The following NCDN variants were observed in gnomAD, a reference collection of about 807,000 sequenced individuals.
NCDN encodes the protein norbin.
Under a neutral mutation model 60.7 loss-of-function variants are expected in NCDN, and 9 were observed. The observed-to-expected ratio is 0.15, with a 90% CI of 0.09 to 0.26. The LOEUF is 0.26. Among genes scored for constraint, NCDN ranks in the 10% least tolerant of loss-of-function variants. The pLI is 1.00. For missense variants in NCDN, 578 were observed against 975.2 expected (o/e 0.59, Z 5.42); for synonymous variants, 409 against 442.5 (o/e 0.92, Z 0.95).
rs1648428209 is a variant in NCDN at position 35,558,091 on chromosome 1, G to A, written c.-100G>A. The A allele has an allele frequency of 2.6e-6, 4 of 1,515,754 alleles. No individual in the cohort carries two copies. The African/African-American group carries it at 4.2e-5, about 16-fold the overall frequency. The allele number at this position is 1,515,754 out of a possible 1,614,324, so 93.9% of individuals were successfully genotyped here. On this transcript the variant is annotated 5_prime_UTR_variant, in exon 1 of 7. Transcript: ENST00000373243. The surrounding 1 kb of genome is among the most constrained non-coding windows in gnomAD (Gnocchi z 6.3). ...TTTTTAATTTGCCCTGTCATCTTTG[G>A]GGGCTGTCTCCCATGTCGTGATTTT...
Position 35,565,375 on chromosome 1 carries a change from G to A in NCDN, c.1902G>A (p.Gln634=), listed in dbSNP as rs1359430110. ...ATGAGGGCATCTGGGCCGACCTGCA[G>A]GAGCTCTGGTTCCTGGGCATGCAGG... is the stretch of plus-strand genomic sequence containing the variant. ...PEYEGIWADL[Q]ELWFLGMQAF... Residue 634 remains glutamine, a synonymous_variant, in exon 7 of 7, where the codon CAG becomes CAA. Coordinates refer to ENST00000373243, the MANE Select transcript of NCDN (RefSeq NM_014284.3). The surrounding 1 kb of genome is among the most constrained non-coding windows in gnomAD (Gnocchi z 8.9). The A allele has an allele frequency of 6.2e-7, 1 of 1,613,236 alleles. No individual in the cohort carries two copies. Among genetic ancestry groups the A allele is most frequent in the Non-Finnish European group, 8.5e-7 (1 of 1,179,480 alleles).
Position 35,560,430 on chromosome 1 carries a change from G to A in NCDN, c.279G>A (p.Glu93=). The change falls in exon 3 of 7, where the codon GAG becomes GAA. Residue 93 remains glutamate (E), a synonymous_variant. Coordinates refer to ENST00000373243, the MANE Select transcript of NCDN (RefSeq NM_014284.3). The surrounding 1 kb of genome is among the most constrained non-coding windows in gnomAD (Gnocchi z 7.6). Reference sequence around the variant, plus strand: ...CCAATCGTCTCCTGACCACCAAGGAGGCGCCGGATGGCTGCCCTGACCATG... The same window carrying A: ...CCAATCGTCTCCTGACCACCAAGGAAGCGCCGGATGGCTGCCCTGACCATG... The part of the protein sequence containing the change: ...TFPNRLLTTK[E]APDGCPDHVL... The A allele has an allele frequency of 1.2e-6, 2 of 1,613,994 alleles. No homozygotes were observed. Among genetic ancestry groups the A allele is most frequent in the Non-Finnish European group, 1.7e-6 (2 of 1,180,038 alleles).
intron 6 of NCDN, among the ~76,000 whole-genome samples, chr1:35,564,228 C>CA (rs1648798897): frequency 6.6e-6 from 1 of 152,214 alleles, no homozygotes; most frequent in African/African-American, 2.4e-5. Context: ...GAGCCGCCCC[C>CA]ACCCAGGCCT....
rs1040135610 is a variant in NCDN, at chr1:35,565,103, G to A, written c.1754-124G>A. On this transcript the variant is annotated intron_variant, in intron 6 of 6. Transcript: ENST00000373243. This position sits in a 1 kb window ranked among gnomAD's most constrained non-coding sequence, Gnocchi z 8.9. Reference sequence around the variant, plus strand: ...TGAGCATCTAAGGCAGGGTTTCAACGCAGGCAGTCTGATTCCAGGCTGTGC... The same window carrying A: ...TGAGCATCTAAGGCAGGGTTTCAACACAGGCAGTCTGATTCCAGGCTGTGC... 18 of 964,626 alleles carry A rather than the reference G, an allele frequency of 1.9e-5. No homozygotes were observed. Among genetic ancestry groups the A allele is most frequent in the South Asian group, 4.9e-5 (3 of 61,376 alleles). The allele number at this position is 964,626 out of a possible 1,614,324, so 59.8% of individuals were successfully genotyped here.
Position 35,563,743 on chromosome 1 carries a change from A to G in NCDN, c.1611-24A>G. ...CTGTACTAGACCCCCACCTACCTCC[A>G]TCCTTCCCCCCTTTCTTTTCCAGGC... On this transcript the variant is annotated intron_variant, in intron 5 of 6. Coordinates refer to ENST00000373243, the MANE Select transcript of NCDN (RefSeq NM_014284.3). This position sits in a 1 kb window ranked among gnomAD's most constrained non-coding sequence, Gnocchi z 6.6. The G allele has an allele frequency of 1.2e-6, 2 of 1,607,034 alleles. No individual in the cohort carries two copies. Among genetic ancestry groups the G allele is most frequent in the South Asian group, 1.1e-5 (1 of 90,648 alleles).
In NCDN at chr1:35,565,264, A is replaced by AAG; in HGVS notation, c.1791_1792insAG (p.Ala598ArgfsTer24). ...CACCAGCATCCCGAGGGTTCTTCGC[A>AAG]GCTGCCATCCTCTTCCTATCACAGT... On this transcript the variant is annotated frameshift_variant, in exon 7 of 7. Transcript: ENST00000373243. LOFTEE classifies it high-confidence loss of function. The surrounding 1 kb of genome is among the most constrained non-coding windows in gnomAD (Gnocchi z 8.9). 2 of 1,612,868 alleles carry AAG rather than the reference A, an allele frequency of 1.2e-6. No individual in the cohort carries two copies. The highest frequency in any genetic ancestry group is 2.2e-5 in the South Asian group (2 of 91,010).
In NCDN at chr1:35,565,109, A is replaced by G; in HGVS notation, c.1754-118A>G. 1 of 1,010,822 alleles carries G rather than the reference A, an allele frequency of 9.9e-7. No individual in the cohort carries two copies. Among genetic ancestry groups the G allele is most frequent in the Admixed American group, 2.4e-5 (1 of 41,592 alleles). The allele number at this position is 1,010,822 out of a possible 1,614,324, so 62.6% of individuals were successfully genotyped here. A position where few individuals can be genotyped will look rare whatever the true frequency, so the allele number is the denominator to read the frequency against. On this transcript the variant is annotated intron_variant, in intron 6 of 6. Coordinates refer to ENST00000373243, the MANE Select transcript of NCDN (RefSeq NM_014284.3). This position sits in a 1 kb window ranked among gnomAD's most constrained non-coding sequence, Gnocchi z 8.9. ...TCTAAGGCAGGGTTTCAACGCAGGCAGTCTGATTCCAGGCTGTGCCCTGGC... is the reference window on the plus strand; with the variant it reads ...TCTAAGGCAGGGTTTCAACGCAGGCGGTCTGATTCCAGGCTGTGCCCTGGC...
chr1:35,558,666 G>A lies in NCDN; in HGVS notation c.34-441G>A. ...TTTCTCCCATGTCAGCCTGAGTCCG[G>A]ATAATCGAACTTCACCCATGTATGT... On this transcript the variant is annotated intron_variant, in intron 1 of 6. Transcript: ENST00000373243. The surrounding 1 kb of genome is among the most constrained non-coding windows in gnomAD (Gnocchi z 6.3). 8.8e-7 allele frequency: 1 copy of A among 1,137,018 alleles called. No individual in the cohort carries two copies. Among genetic ancestry groups the A allele is most frequent in the Non-Finnish European group, 1.1e-6 (1 of 922,762 alleles). 70.4% of individuals were successfully genotyped at this position (1,137,018 alleles called of 1,614,324 possible).
In NCDN at chr1:35,558,481, G is replaced by A. The variant is rs1648501680; in HGVS notation, c.33+258G>A. ...CTCTACCCGAGGGAGGGAAAGGAGAGGAGGCAAGGAGCCTGCGGGGGCGAC... is the reference window on the plus strand; with the variant it reads ...CTCTACCCGAGGGAGGGAAAGGAGAAGAGGCAAGGAGCCTGCGGGGGCGAC... On this transcript the variant is annotated intron_variant, in intron 1 of 6. Coordinates refer to ENST00000373243, the MANE Select transcript of NCDN (RefSeq NM_014284.3). The surrounding 1 kb of genome is among the most constrained non-coding windows in gnomAD (Gnocchi z 6.3). 7.1e-7 allele frequency: 1 copy of A among 1,406,256 alleles called. No homozygotes were observed. The highest frequency in any genetic ancestry group is 9.2e-7 in the Non-Finnish European group (1 of 1,083,420). The allele number at this position is 1,406,256 out of a possible 1,614,324, so 87.1% of individuals were successfully genotyped here. A position where few individuals can be genotyped will look rare whatever the true frequency, so the allele number is the denominator to read the frequency against.
rs115012530 is a variant in NCDN, at chr1:35,559,402, G to T, written c.174+155G>T. On this transcript the variant is annotated intron_variant, in intron 2 of 6. Coordinates refer to ENST00000373243, the MANE Select transcript of NCDN (RefSeq NM_014284.3). Reference sequence around the variant, plus strand: ...GACCCCTACCTTTGTGCTCTTTTTTGCTCCCCCTGAGAATGGGGGCAAAGA... The same window carrying T: ...GACCCCTACCTTTGTGCTCTTTTTTTCTCCCCCTGAGAATGGGGGCAAAGA... Among the ~76,000 whole-genome samples the T allele has an allele frequency of 6.0e-3, 907 of 152,166 alleles. 10 individuals carry two copies. The highest frequency in any genetic ancestry group is 0.021 in the African/African-American group (864 of 41,526).
chr1:35,562,049 A>G lies in NCDN; in HGVS notation c.1144-343A>G, dbSNP rs758254530. ...GGGTGTTTAACTTAGCTTTTGACCTATGAATTTCCTTCTAGCCTTGAGACA... is the reference window on the plus strand; with the variant it reads ...GGGTGTTTAACTTAGCTTTTGACCTGTGAATTTCCTTCTAGCCTTGAGACA... On this transcript the variant is annotated intron_variant, in intron 3 of 6. Transcript: ENST00000373243. The surrounding 1 kb of genome is among the most constrained non-coding windows in gnomAD (Gnocchi z 6.8). 1.3e-4 allele frequency among the ~76,000 whole-genome samples: 20 copies of G among 152,164 alleles called. No homozygotes were observed. Among genetic ancestry groups the G allele is most frequent in the Middle Eastern group, 3.2e-3 (1 of 316 alleles).
rs756541552 is a variant in NCDN at position 35,562,534 on chromosome 1, A to ACGAGGAGGC, written c.1297_1305dup (p.Glu433_Ala435dup). The ACGAGGAGGC allele has an allele frequency of 1.2e-6, 2 of 1,614,112 alleles. No individual in the cohort carries two copies. Among genetic ancestry groups the ACGAGGAGGC allele is most frequent in the South Asian group, 1.1e-5 (1 of 91,088 alleles). Reference sequence around the variant, plus strand: ...CTCGTCCGCTATGCCAAGACCCTCTACGAGGAGGCCGAGGAGGCCAATGAC... The same window carrying ACGAGGAGGC: ...CTCGTCCGCTATGCCAAGACCCTCTACGAGGAGGCCGAGGAGGCCGAGGAGGCCAATGAC... On this transcript the variant is annotated inframe_insertion, in exon 4 of 7. Coordinates refer to ENST00000373243, the MANE Select transcript of NCDN (RefSeq NM_014284.3). The surrounding 1 kb of genome is among the most constrained non-coding windows in gnomAD (Gnocchi z 6.8).
At position 35,563,902 on chromosome 1, in the gene NCDN, C is replaced by T. The variant is rs1443110890; in HGVS notation, c.1746C>T (p.Thr582=). ...TCCTCATGGCCCGGCTCCTTAGCAC[C>T]TCTCCAGGTAAGAACTGGGGATCCA... ...LGLLMARLLS[T]SPALQGTPAS... The change falls in exon 6 of 7, where the codon ACC becomes ACT. Residue 582 remains threonine, a synonymous_variant. Transcript: ENST00000373243. This position sits in a 1 kb window ranked among gnomAD's most constrained non-coding sequence, Gnocchi z 6.6. The T allele has an allele frequency of 1.2e-6, 2 of 1,613,650 alleles. No individual in the cohort carries two copies. Among genetic ancestry groups the T allele is most frequent in the Non-Finnish European group, 1.7e-6 (2 of 1,179,726 alleles).
Position 35,565,778 on chromosome 1 carries a change from C to A in NCDN, c.*115C>A, listed in dbSNP as rs766019488. 4.0e-5 allele frequency: 47 copies of A among 1,173,268 alleles called. No homozygotes were observed. Among genetic ancestry groups the A allele is most frequent in the Non-Finnish European group, 4.9e-5 (42 of 858,664 alleles). 72.7% of individuals were successfully genotyped at this position (1,173,268 alleles called of 1,614,324 possible). On this transcript the variant is annotated 3_prime_UTR_variant, in exon 7 of 7. Transcript: ENST00000373243. The surrounding 1 kb of genome is among the most constrained non-coding windows in gnomAD (Gnocchi z 8.9). ...CTCCCCAGACTTCCTCCCCAAAACA[C>A]CCCAGCTTTCTGGCTTTTCTGAGGG... is the stretch of plus-strand genomic sequence containing the variant.
chr1:35,560,721 T>C lies in NCDN; in HGVS notation c.570T>C (p.Tyr190=). ...ALCQAYLGHG[Y]GFDQALALLV... ...GCCAGGCATACCTGGGGCACGGCTA[T>C]GGCTTTGACCAGGCCCTGGCACTCC... The change falls in exon 3 of 7, where the codon TAT becomes TAC. Residue 190 remains tyrosine, a synonymous_variant. Coordinates refer to ENST00000373243, the MANE Select transcript of NCDN (RefSeq NM_014284.3). The surrounding 1 kb of genome is among the most constrained non-coding windows in gnomAD (Gnocchi z 7.6). 1 of 1,612,538 alleles carries C rather than the reference T, an allele frequency of 6.2e-7. No individual in the cohort carries two copies. The highest frequency in any genetic ancestry group is 1.3e-5 in the African/African-American group (1 of 75,050).
Position 35,561,457 on chromosome 1 carries a change from C to T in NCDN, c.1143+163C>T, listed in dbSNP as rs1227510105. ...AGGGAGTAGTGTGCGGCCCAACCTCCCTCTCTCTCCCTCCCTCCACACAAG... is the reference window on the plus strand; with the variant it reads ...AGGGAGTAGTGTGCGGCCCAACCTCTCTCTCTCTCCCTCCCTCCACACAAG... On this transcript the variant is annotated intron_variant, in intron 3 of 6. Coordinates refer to ENST00000373243, the MANE Select transcript of NCDN (RefSeq NM_014284.3). This position sits in a 1 kb window ranked among gnomAD's most constrained non-coding sequence, Gnocchi z 4.9. Among the ~76,000 whole-genome samples the T allele has an allele frequency of 6.6e-6, 1 of 151,834 alleles. No homozygotes were observed. The highest frequency in any genetic ancestry group is 2.4e-5 in the African/African-American group (1 of 41,294).
intron 6 of NCDN, 141 bp downstream of exon 6, chr1:35,564,050 C>A: frequency 9.7e-7 from 1 of 1,034,968 alleles, no homozygotes; most frequent in Non-Finnish European, 1.4e-6. Context: ...AGTGTATCTC[C>A]ATCCCCTACC....
At position 35,563,226 on chromosome 1, in the gene NCDN, C is replaced by A; in HGVS notation, c.1410C>A (p.His470Gln). The change falls in exon 5 of 7, where the codon CAC (histidine) becomes CAA (glutamine). Residue 470 changes from histidine (H) to glutamine (Q), a missense_variant. Transcript: ENST00000373243. The surrounding 1 kb of genome is among the most constrained non-coding windows in gnomAD (Gnocchi z 6.6). ...GGCTCCTCCTGCCTGGCTGGTGCCA[C>A]CTGACCGTTGAAGATGGGCCCCGGG... ...ALRLLLPGWC[H>Q]LTVEDGPREI... 6.2e-7 allele frequency: 1 copy of A among 1,613,872 alleles called. No individual in the cohort carries two copies.
In NCDN at chr1:35,565,774, A is replaced by C. The variant is rs1648854459; in HGVS notation, c.*111A>C. On this transcript the variant is annotated 3_prime_UTR_variant, in exon 7 of 7. Coordinates refer to ENST00000373243, the MANE Select transcript of NCDN (RefSeq NM_014284.3). The surrounding 1 kb of genome is among the most constrained non-coding windows in gnomAD (Gnocchi z 8.9). ...CCCCCTCCCCAGACTTCCTCCCCAAAACACCCCAGCTTTCTGGCTTTTCTG... is the reference window on the plus strand; with the variant it reads ...CCCCCTCCCCAGACTTCCTCCCCAACACACCCCAGCTTTCTGGCTTTTCTG... The C allele has an allele frequency of 5.9e-6, 7 of 1,192,738 alleles. No homozygotes were observed. Among genetic ancestry groups the C allele is most frequent in the African/African-American group, 1.5e-5 (1 of 64,902 alleles). 73.9% of individuals were successfully genotyped at this position (1,192,738 alleles called of 1,614,324 possible). A position where few individuals can be genotyped will look rare whatever the true frequency, so the allele number is the denominator to read the frequency against.
Sources: allele counts gnomAD v4.1 joint callset (sites outside exome capture counted in the v4.1 genomes callset), GRCh38; gene constraint gnomAD v4.1.1; non-coding constraint Gnocchi (gnomAD v3.1); transcripts MANE v1.5; gene names NCBI Gene and HGNC (gene_info 2026-07-23, HGNC 2026-07-21).